The following HNRNPUL2 variants were observed in gnomAD, a reference collection of about 807,000 sequenced individuals.
HNRNPUL2 encodes heterogeneous nuclear ribonucleoprotein U-like protein 2.
HNRNPUL2 carries 27 observed loss-of-function variants against 102.2 expected under a neutral mutation model. The observed-to-expected ratio is 0.26, with a 90% CI of 0.19 to 0.36. HNRNPUL2 has a LOEUF of 0.36. Ranked by LOEUF, HNRNPUL2 falls within the 10% of genes least tolerant of loss-of-function variation. The pLI is 1.00. For missense variants in HNRNPUL2, 936 were observed against 981.1 expected (o/e 0.95, Z 0.61); for synonymous variants, 458 against 387.2 (o/e 1.18, Z -2.15).
chr11:62,722,162 C>T lies in HNRNPUL2; in HGVS notation c.1314G>A (p.Glu438=), dbSNP rs1590898730. 1.9e-6 allele frequency: 3 copies of T among 1,614,130 alleles called. No homozygotes were observed. Among genetic ancestry groups the T allele is most frequent in the East Asian group, 2.2e-5 (1 of 44,880 alleles). The change falls in exon 7 of 14, where the codon GAG becomes GAA. Residue 438 remains glutamate (E), a synonymous_variant. Coordinates refer to ENST00000301785, the MANE Select transcript of HNRNPUL2 (RefSeq NM_001079559.3). The stretch of plus-strand genomic sequence containing the variant: ...TGGGAGGGACTGCAGTGCGTACACG[C>T]TCCTCAACAGGCACAGCATGAATGA... The part of the protein sequence containing the change: ...FVFIHAVPVE[E]RVRTAVPPKT...
At position 62,714,294 on chromosome 11, in the gene HNRNPUL2, A is replaced by C. The variant is rs2083641968; in HGVS notation, c.*1005T>G. The C allele has an allele frequency of 6.6e-6, 1 of 152,138 alleles. No homozygotes were observed. The highest frequency in any genetic ancestry group is 2.4e-5 in the African/African-American group (1 of 41,432). 9.4% of individuals were successfully genotyped at this position (152,138 alleles called of 1,614,324 possible). ...CACACCACAGGATTCACCTATATAC[A>C]TATCCCGCTGCAGTGAAAAGAATCC... On this transcript the variant is annotated 3_prime_UTR_variant, in exon 14 of 14. Coordinates refer to ENST00000301785, the MANE Select transcript of HNRNPUL2 (RefSeq NM_001079559.3).
At chr11:62,726,036 A>AC (rs1266668312) in intron 1 of HNRNPUL2, among the ~76,000 whole-genome samples, 1 of 152,136 alleles carries the variant, frequency 6.6e-6, no homozygotes, top group African/African-American at 2.4e-5. Flanking sequence ...CTAGATTAAG[A>AC]TTTTTCTCTT....
intron 2 of HNRNPUL2, 61 bp downstream of exon 2, chr11:62,724,230 T>C: frequency 9.4e-6 from 15 of 1,603,584 alleles, no homozygotes; most frequent in Admixed American, 1.7e-5. Flanking sequence ...CTCCAGTCAA[T>C]ACCAGGTATA....
In HNRNPUL2 at chr11:62,722,613, A is replaced by G; in HGVS notation, c.1083T>C (p.Ile361=). 6.2e-7 allele frequency: 1 copy of G among 1,613,570 alleles called. No homozygotes were observed. The highest frequency in any genetic ancestry group is 1.1e-5 in the South Asian group (1 of 91,078). Residue 361 remains isoleucine, a synonymous_variant, in exon 6 of 14, where the codon ATT becomes ATC. Coordinates refer to ENST00000301785, the MANE Select transcript of HNRNPUL2 (RefSeq NM_001079559.3). ...CAGGAGCACTTACAGCAAAGCAGCC[A>G]ATAACATCATTCTCCCCAAAAGTCT... ...FGQTFGENDV[I]GCFANFETEE...
chr11:62,722,410 T>G, intron 6 of HNRNPUL2, 30 bp from the exon 7 acceptor site: 1 of 1,606,464 alleles, frequency 6.2e-7, no homozygotes, highest in Non-Finnish European at 8.5e-7. Flanking sequence ...GAGCACTTAT[T>G]GGCTGACGAG....
At chr11:62,720,530 G>T (rs1392918039) in intron 9 of HNRNPUL2, among the ~76,000 whole-genome samples, 1 of 131,014 alleles carries the variant, frequency 7.6e-6, no homozygotes, top group Non-Finnish European at 1.6e-5. Flanking sequence ...GGTGGCGGCT[G>T]AGCAAGATTC....
chr11:62,727,164 G>GCCGCCTCCT lies in HNRNPUL2; in HGVS notation c.-17_-9dup, dbSNP rs773670996. The GCCGCCTCCT allele has an allele frequency of 3.1e-5, 44 of 1,427,166 alleles. No individual in the cohort carries two copies. In the South Asian group the frequency reaches 4.9e-4, roughly 16 times the overall value. 88.4% of individuals were successfully genotyped at this position (1,427,166 alleles called of 1,614,324 possible). ...CAGCCGCTTCACCTCCATCGCCGCC[G>GCCGCCTCCT]CCGCCTCCTCCGCCTCCCGCCGCCT... is the stretch of plus-strand genomic sequence containing the variant. On this transcript the variant is annotated 5_prime_UTR_variant, in exon 1 of 14. Coordinates refer to ENST00000301785, the MANE Select transcript of HNRNPUL2 (RefSeq NM_001079559.3).
rs746364943 is a variant in HNRNPUL2, at chr11:62,715,357, T to G, written c.2186A>C (p.His729Pro). ...GTAGTATCGGTCTCTGTCCTGGGGG[T>G]GGTGGTAGTAGTAACTCTGCCACTA... is the stretch of plus-strand genomic sequence containing the variant. ...NRDWQSYYYHHPQDRDRYYRN... is the reference protein window; with the variant it reads ...NRDWQSYYYHPPQDRDRYYRN... Residue 729 changes from histidine (H) to proline (P), a missense_variant, in exon 14 of 14, where the codon CAC becomes CCC. Transcript: ENST00000301785. 5.0e-6 allele frequency: 8 copies of G among 1,612,334 alleles called. No homozygotes were observed. The highest frequency in any genetic ancestry group is 1.7e-5 in the Admixed American group (1 of 59,824).
chr11:62,715,842 G>A (rs761158059), intron 12 of HNRNPUL2, 22 bp downstream of exon 12: 15 of 1,607,432 alleles, frequency 9.3e-6, no homozygotes, highest in Admixed American at 6.7e-5. Flanking sequence ...AGAGTGAGGA[G>A]CAGAAGGAGA....
At chr11:62,720,546 C>CAAAA (rs148876571) in intron 9 of HNRNPUL2, among the ~76,000 whole-genome samples, 3 of 131,518 alleles carry the variant, frequency 2.3e-5, no homozygotes, top group East Asian at 2.2e-4. Flanking sequence ...GATTCCATCT[C>CAAAA]AAAAAAAAAA....
rs1471645791 is a variant in HNRNPUL2 at position 62,727,142 on chromosome 11, C to T, written c.15G>A (p.Arg5=). The change falls in exon 1 of 14, where the codon CGG becomes CGA. Residue 5 remains arginine, a synonymous_variant. Coordinates refer to ENST00000301785, the MANE Select transcript of HNRNPUL2 (RefSeq NM_001079559.3). ...CCGACCGCAGCTCGGTCACTTTCAG[C>T]CGCTTCACCTCCATCGCCGCCGCCG... MEVK[R]LKVTELRSEL... is the part of the protein sequence containing the mutation. 12 of 1,445,310 alleles carry T rather than the reference C, an allele frequency of 8.3e-6. No individual in the cohort carries two copies. Among genetic ancestry groups the T allele is most frequent in the African/African-American group, 3.0e-5 (2 of 67,476 alleles). 89.5% of individuals were successfully genotyped at this position (1,445,310 alleles called of 1,614,324 possible). A position where few individuals can be genotyped will look rare whatever the true frequency, so the allele number is the denominator to read the frequency against.
Position 62,726,923 on chromosome 11 carries a change from G to A in HNRNPUL2, c.234C>T (p.Asp78=), listed in dbSNP as rs770211602. Residue 78 remains aspartate, a synonymous_variant, in exon 1 of 14, where the codon GAC becomes GAT. Transcript: ENST00000301785. ...CCTCGTCCTCCTCCTCCTCCTCTTCGTCCTCCTCCTCGTCCCCGCCCGGGC... is the reference window on the plus strand; with the variant it reads ...CCTCGTCCTCCTCCTCCTCCTCTTCATCCTCCTCCTCGTCCCCGCCCGGGC... ...GGGPGGDEEE[D]EEEEEEDEEA... The A allele has an allele frequency of 9.8e-6, 15 of 1,523,146 alleles. No homozygotes were observed. In the South Asian group the frequency reaches 1.1e-4, roughly 11 times the overall value. 94.4% of individuals were successfully genotyped at this position (1,523,146 alleles called of 1,614,324 possible).
rs767490975 is a variant in HNRNPUL2 at position 62,715,261 on chromosome 11, T to A, written c.*38A>T. ...CGGGGGTGCCTGGCACCCCCAGAGA[T>A]TCAGCTTCATGGCTGACAGGTGACC... is the stretch of plus-strand genomic sequence containing the variant. On this transcript the variant is annotated 3_prime_UTR_variant, in exon 14 of 14. Coordinates refer to ENST00000301785, the MANE Select transcript of HNRNPUL2 (RefSeq NM_001079559.3). 2 of 1,538,058 alleles carry A rather than the reference T, an allele frequency of 1.3e-6. No individual in the cohort carries two copies. Among genetic ancestry groups the A allele is most frequent in the Non-Finnish European group, 1.8e-6 (2 of 1,124,648 alleles).
intron 11 of HNRNPUL2, 134 bp from the exon 12 acceptor site, chr11:62,716,071 T>G: frequency 3.3e-6 from 2 of 602,440 alleles, no homozygotes; most frequent in Non-Finnish European, 5.6e-6. Flanking sequence ...GGCTCACACA[T>G]GTTAATTAAA....
intron 2 of HNRNPUL2, 46 bp downstream of exon 2, chr11:62,724,245 A>G (rs774059067): frequency 6.2e-7 from 1 of 1,612,548 alleles, no homozygotes; most frequent in Non-Finnish European, 8.5e-7. Flanking sequence ...GGTATACCAA[A>G]ATCAGAGCAG....
At chr11:62,724,871 C>T (rs1324565165) in intron 1 of HNRNPUL2, among the ~76,000 whole-genome samples, 2 of 152,164 alleles carry the variant, frequency 1.3e-5, no homozygotes, top group African/African-American at 2.4e-5. Flanking sequence ...TACAGAGAAG[C>T]CTCAATTTCT....
In HNRNPUL2 at chr11:62,716,992, A is replaced by G. The variant is rs200436468; in HGVS notation, c.1978T>C (p.Tyr660His). ...CTGGCAGGTCCCCAAGACTCACCAT[A>G]GCCTTGGCCCCGGCTTCGGTTCTGC... ...NRQNRSRGQGYVGGQRRGYDN... is the reference protein window; with the variant it reads ...NRQNRSRGQGHVGGQRRGYDN... The change falls in exon 11 of 14, where the codon TAT becomes CAT. Residue 660 changes from tyrosine (Y) to histidine (H), a missense_variant. Around this residue, in one of 2 missense-constraint regions of HNRNPUL2, gnomAD observed 609 missense variants for 713.0 expected, o/e 0.85. Coordinates refer to ENST00000301785, the MANE Select transcript of HNRNPUL2 (RefSeq NM_001079559.3). 3.7e-6 allele frequency: 6 copies of G among 1,612,462 alleles called. No individual in the cohort carries two copies. The highest frequency in any genetic ancestry group is 1.3e-5 in the African/African-American group (1 of 74,790).
chr11:62,725,165 T>C (rs1415040621), intron 1 of HNRNPUL2, among the ~76,000 whole-genome samples: 1 of 152,224 alleles, frequency 6.6e-6, no homozygotes, highest in Non-Finnish European at 1.5e-5. Context: ...GGAAGGTTTT[T>C]AATAATAATT....
chr11:62,723,267 G>T lies in HNRNPUL2; in HGVS notation c.891+320C>A, dbSNP rs150329559. ...AGCACTTTGGGAGGCCAAGACGGGC[G>T]GATCACCTGAGGTCGGGAGTTCAAG... On this transcript the variant is annotated intron_variant, in intron 4 of 13. Coordinates refer to ENST00000301785, the MANE Select transcript of HNRNPUL2 (RefSeq NM_001079559.3). 3.9e-3 allele frequency among the ~76,000 whole-genome samples: 592 copies of T among 152,284 alleles called. 3 individuals are homozygous for T. The highest frequency in any genetic ancestry group is 0.013 in the African/African-American group (553 of 41,548).
Sources: allele counts gnomAD v4.1 joint callset (sites outside exome capture counted in the v4.1 genomes callset), GRCh38; gene constraint gnomAD v4.1.1; regional missense constraint gnomAD v4.1.1; transcripts MANE v1.5; gene names NCBI Gene and HGNC (gene_info 2026-07-23, HGNC 2026-07-21).